Variants in SLC27A6 observed in about 807,000 individuals in gnomAD.
SLC27A6 encodes long-chain fatty acid transport protein 6.
In SLC27A6, 74 loss-of-function variants were observed where a neutral mutation model predicts 63.9. That is an observed-to-expected ratio of 1.16 (90% CI 0.96 to 1.40). The LOEUF (loss-of-function observed/expected upper bound fraction) is 1.40. Among genes scored for constraint, SLC27A6 ranks in the 40% most tolerant of loss-of-function variants. SLC27A6 has a pLI of 0.00. For missense variants in SLC27A6, 794 were observed against 732.9 expected (o/e 1.08, Z -0.96); for synonymous variants, 287 against 260.8 (o/e 1.10, Z -0.97).
intron 4 of SLC27A6, among the ~76,000 whole-genome samples, chr5:128,998,208 T>C (rs1751223843): frequency 6.6e-6 from 1 of 151,848 alleles, no homozygotes. Context: ...GGCAGGATCA[T>C]TTGCACCCAG....
intron 1 of SLC27A6, among the ~76,000 whole-genome samples, chr5:128,979,423 G>A (rs1326111056): frequency 6.6e-6 from 1 of 152,156 alleles, no homozygotes; most frequent in Admixed American, 6.5e-5. Context: ...GAGGTCATGA[G>A]GGAGATAACC....
At chr5:129,019,755 T>A (rs904389256) in intron 5 of SLC27A6, among the ~76,000 whole-genome samples, 1 of 151,908 alleles carries the variant, frequency 6.6e-6, no homozygotes, top group African/African-American at 2.4e-5. Context: ...GGGAGAAAGA[T>A]GAGTGGAATT....
intron 1 of SLC27A6, among the ~76,000 whole-genome samples, chr5:128,983,541 T>A (rs1750687135): frequency 6.6e-6 from 1 of 152,100 alleles, no homozygotes; most frequent in African/African-American, 2.4e-5. Context: ...GTGATCCACC[T>A]GCTTCGGCCT....
chr5:129,033,309 GC>G lies in SLC27A6; in HGVS notation c.*28del. The G allele has an allele frequency of 2.8e-6, 4 of 1,413,552 alleles. No individual in the cohort carries two copies. Among genetic ancestry groups the G allele is most frequent in the Non-Finnish European group, 3.9e-6 (4 of 1,035,386 alleles). 87.6% of individuals were successfully genotyped at this position (1,413,552 alleles called of 1,614,324 possible). ...ATTTTTATATCTAGAACTTTCATAT[GC>G]TTTCTTAGGAAGAGTGAGAGGGGGG... On this transcript the variant is annotated 3_prime_UTR_variant, in exon 10 of 10. Transcript: ENST00000262462.
At chr5:128,991,055 A>G (rs190433635) in intron 4 of SLC27A6, among the ~76,000 whole-genome samples, 24 of 152,366 alleles carry the variant, frequency 1.6e-4, no homozygotes, top group Admixed American at 1.5e-3. Context: ...GAACTCTCAT[A>G]CAACGGGAGG....
rs766213587 is a variant in SLC27A6 at position 129,027,149 on chromosome 5, C to T, written c.1272C>T (p.Leu424=). 2.5e-6 allele frequency: 4 copies of T among 1,613,290 alleles called. No homozygotes were observed. Among genetic ancestry groups the T allele is most frequent in the East Asian group, 2.2e-5 (1 of 44,838 alleles). Residue 424 remains leucine, a synonymous_variant, in exon 7 of 10, where the codon CTC becomes CTT. Coordinates refer to ENST00000262462, the MANE Select transcript of SLC27A6 (RefSeq NM_001017372.3). ...IHVKKGEPGL[L]ISRVNAKNPF... ...TTCTTGCAGGAGAACCTGGACTTCT[C>T]ATTTCTCGAGTGAATGCAAAAAATC...
At chr5:129,020,261 C>T (rs1277281378) in intron 5 of SLC27A6, among the ~76,000 whole-genome samples, 3 of 152,116 alleles carry the variant, frequency 2.0e-5, no homozygotes, top group African/African-American at 7.2e-5. Context: ...ACTATAATAC[C>T]TGCATATTTA....
chr5:128,966,562 A>T lies in SLC27A6; in HGVS notation c.425A>T (p.Asn142Ile), dbSNP rs1309862204. 1 of 1,566,894 alleles carries T rather than the reference A, an allele frequency of 6.4e-7. No homozygotes were observed. Among genetic ancestry groups the T allele is most frequent in the African/African-American group, 1.4e-5 (1 of 73,586 alleles). ...VAFLNTNIRS[N>I]SLLNCIRACG... ...TTTCTCAACACCAACATTCGCTCCA[A>T]CTCCCTCCTGAATTGCATCCGCGCC... is the stretch of plus-strand genomic sequence containing the variant. The change falls in exon 1 of 10, where the codon AAC becomes ATC. Residue 142 changes from asparagine (N) to isoleucine (I), a missense_variant. By Grantham distance (149) the Asn-to-Ile change is moderately radical. Transcript: ENST00000262462.
intron 3 of SLC27A6, among the ~76,000 whole-genome samples, chr5:128,989,756 C>T (rs1232760995): frequency 6.6e-6 from 1 of 151,944 alleles, no homozygotes; most frequent in Non-Finnish European, 1.5e-5. Flanking sequence ...AACCCTGTCT[C>T]TACTAAAAAT....
chr5:128,966,456 A>G lies in SLC27A6; in HGVS notation c.319A>G (p.Thr107Ala). 1.2e-6 allele frequency: 2 copies of G among 1,607,884 alleles called. No homozygotes were observed. The highest frequency in any genetic ancestry group is 1.7e-6 in the Non-Finnish European group (2 of 1,177,210). Residue 107 changes from threonine to alanine, a missense_variant, in exon 1 of 10, where the codon ACG (threonine) becomes GCG (alanine). By Grantham distance (58) the Thr-to-Ala change is moderately conservative. Coordinates refer to ENST00000262462, the MANE Select transcript of SLC27A6 (RefSeq NM_001017372.3). ...CCATTCCTCTCTGAAAAAGGGGGAC[A>G]CGGTGGCTCTGCTGATGAGCAATGA... Reference protein sequence around the residue: ...LNHSSLKKGDTVALLMSNEPD... With the variant: ...LNHSSLKKGDAVALLMSNEPD...
Position 128,968,824 on chromosome 5 carries a change from A to C in SLC27A6, c.481+2206A>C, listed in dbSNP as rs556797673. On this transcript the variant is annotated intron_variant, in intron 1 of 9. Transcript: ENST00000262462. ...TGCCATTGCTTTTGGTGTTTTAGAC[A>C]TGAAGTCCTTGCCCATGCCTATGTC... Among the ~76,000 whole-genome samples the C allele has an allele frequency of 5.9e-5, 9 of 152,270 alleles. No homozygotes were observed. In the South Asian group the frequency reaches 1.4e-3, roughly 25 times the overall value.
chr5:128,981,835 A>T (rs975319667), intron 1 of SLC27A6, among the ~76,000 whole-genome samples: 1 of 57,994 alleles, frequency 1.7e-5, no homozygotes, highest in East Asian at 7.7e-4. Context: ...TTTTGTTAAG[A>T]TGGAGTCTCA....
rs546237675 is a variant in SLC27A6 at position 128,971,526 on chromosome 5, C to T, written c.481+4908C>T. Reference sequence around the variant, plus strand: ...ACCATTATGTAAGGGCCTTCTTTGTCTCTTGATCTTTGTTGGTTTAAAGTC... The same window carrying T: ...ACCATTATGTAAGGGCCTTCTTTGTTTCTTGATCTTTGTTGGTTTAAAGTC... On this transcript the variant is annotated intron_variant, in intron 1 of 9. Transcript: ENST00000262462. Among the ~76,000 whole-genome samples, 7 of 140,696 alleles carry T rather than the reference C, an allele frequency of 5.0e-5. No individual in the cohort carries two copies. The South Asian group carries it at 8.7e-4, about 18-fold the overall frequency. The allele number at this position is 140,696 out of a possible 152,430, so 92.3% of individuals were successfully genotyped here.
chr5:128,973,317 G>C (rs1192279773), intron 1 of SLC27A6, among the ~76,000 whole-genome samples: 1 of 152,188 alleles, frequency 6.6e-6, no homozygotes, highest in Non-Finnish European at 1.5e-5. Flanking sequence ...TGTCAGATGG[G>C]GACGTTTAAG....
chr5:128,965,940 C>A lies in SLC27A6; in HGVS notation c.-198C>A. The A allele has an allele frequency of 1.9e-6, 1 of 539,946 alleles. No homozygotes were observed. Among genetic ancestry groups the A allele is most frequent in the Non-Finnish European group, 3.0e-6 (1 of 336,814 alleles). 33.4% of individuals were successfully genotyped at this position (539,946 alleles called of 1,614,324 possible). A position where few individuals can be genotyped will look rare whatever the true frequency, so the allele number is the denominator to read the frequency against. ...GCTTAATCTTCAGCACCACTTGGGGCGACCTTTTCGGTGCAAACCTACGAT... is the reference window on the plus strand; with the variant it reads ...GCTTAATCTTCAGCACCACTTGGGGAGACCTTTTCGGTGCAAACCTACGAT... On this transcript the variant is annotated 5_prime_UTR_variant, in exon 1 of 10. Transcript: ENST00000262462.
At chr5:128,992,010 C>T (rs1179438591) in intron 4 of SLC27A6, among the ~76,000 whole-genome samples, 1 of 150,764 alleles carries the variant, frequency 6.6e-6, no homozygotes, top group Non-Finnish European at 1.5e-5. Flanking sequence ...TTATTTAATT[C>T]TTTATATTAT....
At chr5:128,987,299 C>T (rs1750822949) in intron 2 of SLC27A6, among the ~76,000 whole-genome samples, 1 of 152,050 alleles carries the variant, frequency 6.6e-6, no homozygotes, top group South Asian at 2.1e-4. Context: ...GATGGATTCC[C>T]CCAACAGAAT....
At chr5:129,000,162 G>A (rs558958744) in intron 4 of SLC27A6, among the ~76,000 whole-genome samples, 1 of 152,260 alleles carries the variant, frequency 6.6e-6, no homozygotes, top group African/African-American at 2.4e-5. Context: ...CACGCATGAA[G>A]AATGGAGATG....
intron 5 of SLC27A6, among the ~76,000 whole-genome samples, chr5:129,017,446 T>C (rs1480037302): frequency 1.3e-5 from 2 of 151,866 alleles, no homozygotes; most frequent in Admixed American, 1.3e-4. Flanking sequence ...TAGCTGAAAA[T>C]TGGATGGAGC....
Sources: gnomAD v4.1 joint callset for allele counts (sites outside exome capture counted in the v4.1 genomes callset) on GRCh38, gnomAD v4.1.1 for gene constraint, MANE v1.5 for transcripts, NCBI Gene and HGNC (gene_info 2026-07-23, HGNC 2026-07-21) for gene names.